Variants in KAZN observed in about 807,000 individuals in gnomAD.
KAZN encodes kazrin, periplakin interacting protein.
In KAZN, 40 loss-of-function variants were observed where a neutral mutation model predicts 87.4. That is an observed-to-expected ratio of 0.46 (90% CI 0.36 to 0.60). KAZN has a LOEUF of 0.60. Ranked by LOEUF, KAZN falls within the 20% of genes least tolerant of loss-of-function variation. KAZN has a pLI of 0.00. For missense variants in KAZN, 898 were observed against 1,073.9 expected, an observed-to-expected ratio of 0.84 and a Z score of 2.29; for synonymous variants, 466 against 458.3, an observed-to-expected ratio of 1.02 and a Z score of -0.22.
rs34718502 is a variant in KAZN at position 14,890,840 on chromosome 1, C to CTTTTTT, written c.227-69826_227-69821dup. ...CACTGTGCCCAGCCAGGAATCTGGA[C>CTTTTTT]TTTTTTTTTTTTTTTTTTTTTTTGA... is the stretch of plus-strand genomic sequence containing the variant. On this transcript the variant is annotated intron_variant, in intron 1 of 14. Coordinates refer to ENST00000376030, the MANE Select transcript of KAZN (RefSeq NM_201628.3). Among the ~76,000 whole-genome samples the CTTTTTT allele has an allele frequency of 2.2e-3, 153 of 69,664 alleles. 11 individuals carry two copies. The highest frequency in any genetic ancestry group is 7.9e-3 in the African/African-American group (129 of 16,424). 45.7% of individuals were successfully genotyped at this position (69,664 alleles called of 152,430 possible).
chr1:15,101,507 C>A, intron 10 of KAZN, 36 bp from the exon 11 acceptor site: 1 of 1,446,268 alleles, frequency 6.9e-7, no homozygotes, highest in Non-Finnish European at 9.5e-7. Flanking sequence ...CCGCCTTTCC[C>A]CACCCATCCA....
chr1:14,501,615 C>T (rs952680521), intron 2 of KAZN, among the ~76,000 whole-genome samples: 1 of 152,124 alleles, frequency 6.6e-6, no homozygotes. Context: ...ACACTAAGGA[C>T]TACAAAACAT....
At chr1:14,401,797 G>A (rs1336866731) in intron 2 of KAZN, among the ~76,000 whole-genome samples, 1 of 151,894 alleles carries the variant, frequency 6.6e-6, no homozygotes, top group African/African-American at 2.4e-5. Flanking sequence ...TCATTAGTAA[G>A]CTCCCACACT....
intron 2 of KAZN, among the ~76,000 whole-genome samples, chr1:14,979,692 A>C (rs1666037473): frequency 6.6e-6 from 1 of 152,042 alleles, no homozygotes; most frequent in African/African-American, 2.4e-5. Context: ...GTGGGGAGGC[A>C]GTAATGATGT....
chr1:15,017,223 A>G (rs1670210188), intron 2 of KAZN, among the ~76,000 whole-genome samples: 1 of 149,786 alleles, frequency 6.7e-6, no homozygotes, highest in Admixed American at 6.6e-5. Context: ...GCTTGAACCC[A>G]GGAGACAGAG....
chr1:14,266,636 G>T (rs1467308262), intron 2 of KAZN, among the ~76,000 whole-genome samples: 1 of 152,182 alleles, frequency 6.6e-6, no homozygotes, highest in African/African-American at 2.4e-5. Flanking sequence ...GTCAATGGTA[G>T]TCACAGCCAA....
chr1:14,298,358 C>T (rs1654285588), intron 2 of KAZN, among the ~76,000 whole-genome samples: 1 of 152,202 alleles, frequency 6.6e-6, no homozygotes, highest in Non-Finnish European at 1.5e-5. Context: ...TGTGTTCCTC[C>T]TTGTCTTCTT....
At chr1:14,982,813 C>G (rs4462132) in intron 2 of KAZN, among the ~76,000 whole-genome samples, 45,694 of 152,052 alleles carry the variant, frequency 0.3, 7,060 homozygotes, top group South Asian at 0.35. Context: ...AGGCCTAGTG[C>G]TGGATCTTCC....
At chr1:14,890,509 CTT>C (rs34732218) in intron 1 of KAZN, among the ~76,000 whole-genome samples, 1 of 150,734 alleles carries the variant, frequency 6.6e-6, no homozygotes, top group African/African-American at 2.4e-5. Context: ...AAATTTAAAT[CTT>C]TTTTTTTTCC....
At chr1:14,879,966 G>A (rs1235286838) in intron 1 of KAZN, among the ~76,000 whole-genome samples, 1 of 152,190 alleles carries the variant, frequency 6.6e-6, no homozygotes, top group African/African-American at 2.4e-5. Flanking sequence ...CACAAAGATT[G>A]AATTCAAGTC....
At chr1:14,699,050 T>C (rs1477303810) in intron 1 of KAZN, among the ~76,000 whole-genome samples, 1 of 152,164 alleles carries the variant, frequency 6.6e-6, no homozygotes, top group Non-Finnish European at 1.5e-5. Flanking sequence ...CGTCTGGCTG[T>C]AGCACATAGG....
intron 1 of KAZN, among the ~76,000 whole-genome samples, chr1:14,718,888 C>T (rs775414716): frequency 7.9e-5 from 12 of 152,288 alleles, no homozygotes; most frequent in South Asian, 6.2e-4. Flanking sequence ...GCCCCAGTTG[C>T]GCCTGTTAGG....
chr1:14,581,798 G>A (rs1208346829), intron 2 of KAZN, among the ~76,000 whole-genome samples: 2 of 152,090 alleles, frequency 1.3e-5, no homozygotes, highest in African/African-American at 4.8e-5. Context: ...GCTTGTTCCT[G>A]TGTGTGATTC....
At chr1:14,373,631 CAAGTT>C (rs1660680269) in intron 2 of KAZN, among the ~76,000 whole-genome samples, 1 of 152,186 alleles carries the variant, frequency 6.6e-6, no homozygotes, top group Non-Finnish European at 1.5e-5. Context: ...ATGGCCCAGT[CAAGTT>C]GACACATAAA....
intron 2 of KAZN, among the ~76,000 whole-genome samples, chr1:14,464,332 G>C (rs965923690): frequency 2.0e-5 from 3 of 152,120 alleles, no homozygotes; most frequent in African/African-American, 7.2e-5. Flanking sequence ...GTTTTTGCAT[G>C]AAATCTGACT....
intron 1 of KAZN, among the ~76,000 whole-genome samples, chr1:14,811,123 G>A (rs942020087): frequency 2.6e-5 from 4 of 152,026 alleles, no homozygotes; most frequent in Admixed American, 6.5e-5. Flanking sequence ...GGAATTCCTC[G>A]CCCTCCCCCA....
At chr1:14,642,392 T>C (rs1680473290) in intron 1 of KAZN, among the ~76,000 whole-genome samples, 1 of 152,042 alleles carries the variant, frequency 6.6e-6, no homozygotes, top group Admixed American at 6.6e-5. Context: ...AGAGTGAGAC[T>C]CCATCTCAAA....
At chr1:15,068,058 A>G in intron 8 of KAZN, 1 of 830,106 alleles carries the variant, frequency 1.2e-6, no homozygotes, top group Non-Finnish European at 1.4e-6. Context: ...ACATTAGACG[A>G]AAATAACCTT....
At chr1:14,354,356 A>C (rs1658811215) in intron 2 of KAZN, among the ~76,000 whole-genome samples, 1 of 152,198 alleles carries the variant, frequency 6.6e-6, no homozygotes, top group African/African-American at 2.4e-5. Flanking sequence ...AAAAGACACC[A>C]TTAAGAAAAT....
Sources: allele counts gnomAD v4.1 joint callset (sites outside exome capture counted in the v4.1 genomes callset), GRCh38; gene constraint gnomAD v4.1.1; transcripts MANE v1.5; gene names NCBI Gene and HGNC (gene_info 2026-07-23, HGNC 2026-07-21).